Variants in MTUS2 observed in about 807,000 individuals in gnomAD.
MTUS2 encodes the protein microtubule-associated tumor suppressor candidate 2.
In MTUS2, 40 loss-of-function variants were observed where a neutral mutation model predicts 114.1. The observed-to-expected ratio is 0.35, with a 90% CI of 0.27 to 0.46. The LOEUF (loss-of-function observed/expected upper bound fraction) is 0.46. MTUS2 is among the 20% of genes least tolerant of loss of function. The pLI, the probability that MTUS2 is intolerant of heterozygous loss-of-function variation, is 1.00. For missense variants in MTUS2, 1,679 were observed against 1,705.4 expected, an observed-to-expected ratio of 0.98 and a Z score of 0.27; for synonymous variants, 688 against 672.0, an observed-to-expected ratio of 1.02 and a Z score of -0.37.
At chr13:29,051,132 CTGT>C (rs769364513) in intron 4 of MTUS2, among the ~76,000 whole-genome samples, 20 of 152,054 alleles carry the variant, frequency 1.3e-4, no homozygotes, top group Non-Finnish European at 2.2e-4. Context: ...CAGTTGTGAG[CTGT>C]TAGAGTTTAC....
chr13:29,179,451 G>C (rs1893907809), intron 5 of MTUS2, among the ~76,000 whole-genome samples: 1 of 152,134 alleles, frequency 6.6e-6, no homozygotes, highest in Non-Finnish European at 1.5e-5. Context: ...AATGCCATTG[G>C]AAATACATAA....
intron 2 of MTUS2, among the ~76,000 whole-genome samples, chr13:28,906,840 C>G (rs1009938432): frequency 1.3e-5 from 2 of 151,448 alleles, no homozygotes; most frequent in Admixed American, 6.6e-5. Flanking sequence ...ACGGTGTTAT[C>G]CAGGAGAACT....
At chr13:28,917,080 G>A (rs1322209163) in intron 2 of MTUS2, among the ~76,000 whole-genome samples, 1 of 151,370 alleles carries the variant, frequency 6.6e-6, no homozygotes, top group Non-Finnish European at 1.5e-5. Context: ...GATTCACTTA[G>A]GTCGAACCAT....
At chr13:29,112,217 C>T (rs1416817722) in intron 5 of MTUS2, among the ~76,000 whole-genome samples, 1 of 152,110 alleles carries the variant, frequency 6.6e-6, no homozygotes, top group African/African-American at 2.4e-5. Flanking sequence ...GAAGCTGACA[C>T]ATTGTGTAGG....
chr13:29,389,191 C>CT, intron 8 of MTUS2, among the ~76,000 whole-genome samples: 1 of 133,518 alleles, frequency 7.5e-6, no homozygotes, highest in South Asian at 2.4e-4. Context: ...ATCTATATAT[C>CT]TATATAGATA....
At chr13:29,023,036 C>T (rs1180150381) in intron 2 of MTUS2, among the ~76,000 whole-genome samples, 2 of 152,130 alleles carry the variant, frequency 1.3e-5, no homozygotes, top group Non-Finnish European at 2.9e-5. Context: ...CAGGATACTA[C>T]AAATCCATCA....
chr13:28,991,103 G>C (rs1884831623), intron 2 of MTUS2, among the ~76,000 whole-genome samples: 1 of 152,174 alleles, frequency 6.6e-6, no homozygotes, highest in Non-Finnish European at 1.5e-5. Context: ...TGCTGCTGCT[G>C]GGCAGAGAAA....
At chr13:29,196,564 G>A (rs1369276272) in intron 5 of MTUS2, among the ~76,000 whole-genome samples, 3 of 151,994 alleles carry the variant, frequency 2.0e-5, no homozygotes, top group Non-Finnish European at 2.9e-5. Context: ...TCCATCTCCA[G>A]AACTATTTTC....
chr13:29,299,964 G>T (rs1047238719), intron 6 of MTUS2, among the ~76,000 whole-genome samples: 3 of 151,858 alleles, frequency 2.0e-5, no homozygotes, highest in Admixed American at 6.6e-5. Flanking sequence ...AATTTTGGAG[G>T]GGGGGGCACT....
At chr13:28,824,113 C>A (rs1249033154) in intron 1 of MTUS2, among the ~76,000 whole-genome samples, 1 of 152,186 alleles carries the variant, frequency 6.6e-6, no homozygotes, top group Non-Finnish European at 1.5e-5. Flanking sequence ...TGTCTGGGAT[C>A]ACCCAGCCTC....
chr13:29,289,430 A>G (rs1898617066), intron 6 of MTUS2, among the ~76,000 whole-genome samples: 3 of 152,106 alleles, frequency 2.0e-5, no homozygotes. Flanking sequence ...GAGAATTAAC[A>G]TAAATGAAAG....
chr13:29,141,909 G>T (rs1019194572), intron 5 of MTUS2, among the ~76,000 whole-genome samples: 6 of 150,906 alleles, frequency 4.0e-5, no homozygotes, highest in African/African-American at 1.2e-4. Flanking sequence ...GCCCAGGCTG[G>T]AGTGCAGTGG....
At chr13:29,118,385 C>T (rs576357553) in intron 5 of MTUS2, among the ~76,000 whole-genome samples, 9 of 152,270 alleles carry the variant, frequency 5.9e-5, no homozygotes, top group African/African-American at 1.9e-4. Flanking sequence ...CTGATGTCCT[C>T]ATCCCGTGAT....
chr13:28,830,136 A>T (rs1319196881), intron 1 of MTUS2, among the ~76,000 whole-genome samples: 1 of 152,242 alleles, frequency 6.6e-6, no homozygotes, highest in Non-Finnish European at 1.5e-5. Flanking sequence ...TTAGTCTGGG[A>T]AATAGCAATA....
At chr13:28,891,991 G>A (rs545243692) in intron 2 of MTUS2, among the ~76,000 whole-genome samples, 1 of 151,694 alleles carries the variant, frequency 6.6e-6, no homozygotes, top group Non-Finnish European at 1.5e-5. Flanking sequence ...ATTTTCCCCG[G>A]GAAGCCCTCC....
At chr13:29,219,355 C>G (rs956306325) in intron 5 of MTUS2, among the ~76,000 whole-genome samples, 19 of 149,960 alleles carry the variant, frequency 1.3e-4, no homozygotes, top group East Asian at 3.9e-4. Flanking sequence ...GCCACATTTT[C>G]TTAATCCAGT....
intron 8 of MTUS2, among the ~76,000 whole-genome samples, chr13:29,377,215 C>T (rs184893308): frequency 3.9e-5 from 6 of 152,218 alleles, no homozygotes; most frequent in Middle Eastern, 3.4e-3. Flanking sequence ...AGAAAATTAC[C>T]AAGGATATGG....
intron 8 of MTUS2, among the ~76,000 whole-genome samples, chr13:29,424,941 G>GA (rs1434245950): frequency 2.6e-5 from 4 of 151,974 alleles, no homozygotes; most frequent in Non-Finnish European, 5.9e-5. Flanking sequence ...AAGAAACCAG[G>GA]AAAATTTTTT....
chr13:29,289,370 C>T (rs1287077937), intron 6 of MTUS2, among the ~76,000 whole-genome samples: 2 of 151,892 alleles, frequency 1.3e-5, no homozygotes, highest in Non-Finnish European at 2.9e-5. Flanking sequence ...ATTTCTCAGT[C>T]AGTTAAAAAA....
Sources: allele counts gnomAD v4.1 joint callset (sites outside exome capture counted in the v4.1 genomes callset), GRCh38; gene constraint gnomAD v4.1.1; transcripts MANE v1.5; gene names NCBI Gene and HGNC (gene_info 2026-07-23, HGNC 2026-07-21).